The following GNB1L variants were observed in gnomAD, a reference collection of about 807,000 sequenced individuals.
GNB1L encodes guanine nucleotide-binding protein subunit beta-like protein 1.
GNB1L carries 20 observed loss-of-function variants against 29.1 expected under a neutral mutation model. That is an observed-to-expected ratio of 0.69 (90% CI 0.48 to 1.00). GNB1L has a LOEUF of 1.00. Among genes scored for constraint, GNB1L ranks in the 50% least tolerant of loss-of-function variants. The pLI is 0.00. For synonymous variants in GNB1L, 193 were observed against 206.5 expected, an observed-to-expected ratio of 0.93 and a Z score of 0.56; for missense variants, 421 against 464.9, an observed-to-expected ratio of 0.91 and a Z score of 0.87.
At chr22:19,811,698 C>G (rs997772858) in intron 5 of GNB1L, among the ~76,000 whole-genome samples, 1 of 152,116 alleles carries the variant, frequency 6.6e-6, no homozygotes, top group Non-Finnish European at 1.5e-5. Context: ...ATCCCCCCAC[C>G]CCCTGGGTGT....
chr22:19,833,065 T>C lies in GNB1L; in HGVS notation c.-20-11690A>G, dbSNP rs894342121. 1.1e-4 allele frequency among the ~76,000 whole-genome samples: 17 copies of C among 152,222 alleles called. 1 individual carries two copies. The highest frequency in any genetic ancestry group is 2.2e-4 in the Non-Finnish European group (15 of 68,040). ...TGCCTGCTAGCGCCAAACTCAGCTC[T>C]CTCTGGAGGACCTCACACACTATTC... On this transcript the variant is annotated intron_variant, in intron 2 of 7. Transcript: ENST00000329517.
chr22:19,810,208 TGGGGA>T (rs1937483103), intron 5 of GNB1L, among the ~76,000 whole-genome samples: 2 of 151,060 alleles, frequency 1.3e-5, no homozygotes, highest in African/African-American at 4.9e-5. Flanking sequence ...CTCTGTGGGG[TGGGGA>T]GGGCTGCGGA....
At chr22:19,823,295 G>A (rs1039487089) in intron 2 of GNB1L, among the ~76,000 whole-genome samples, 10 of 152,198 alleles carry the variant, frequency 6.6e-5, no homozygotes, top group African/African-American at 1.9e-4. Context: ...TCCAGGGGAG[G>A]CAGAGGGACC....
At chr22:19,789,072 G>A (rs1360371467) in intron 7 of GNB1L, 112 bp from the exon 8 acceptor site, 15 of 1,169,230 alleles carry the variant, frequency 1.3e-5, no homozygotes, top group Non-Finnish European at 1.6e-5. Flanking sequence ...ACAGGCCCGG[G>A]ATGTGAGGGC....
At chr22:19,793,798 G>C (rs1465955698) in intron 7 of GNB1L, among the ~76,000 whole-genome samples, 9 of 152,124 alleles carry the variant, frequency 5.9e-5, no homozygotes, top group Non-Finnish European at 1.2e-4. Context: ...CCATAGCCAG[G>C]ATTCTGTAAA....
Position 19,812,331 on chromosome 22 carries a change from C to T in GNB1L, c.371G>A (p.Gly124Asp). ...GFCRSSILAG[G>D]QPRWTLAVPG... The stretch of plus-strand genomic sequence containing the variant: ...CACGGCAAGCGTCCAGCGTGGCTGG[C>T]CCCCGGCCAGGATGCTGCTCCGGCA... Residue 124 changes from glycine (G) to aspartate (D), a missense_variant, in exon 5 of 8, where the codon GGC becomes GAC. Coordinates refer to ENST00000329517, the MANE Select transcript of GNB1L (RefSeq NM_053004.3). The T allele has an allele frequency of 6.2e-7, 1 of 1,612,962 alleles. No individual in the cohort carries two copies. Among genetic ancestry groups the T allele is most frequent in the South Asian group, 1.1e-5 (1 of 91,064 alleles).
chr22:19,796,556 T>C (rs544678350), intron 7 of GNB1L, among the ~76,000 whole-genome samples: 1 of 152,092 alleles, frequency 6.6e-6, no homozygotes, highest in Admixed American at 6.5e-5. Context: ...GGGAAAAAAA[T>C]CAAACATTCA....
chr22:19,788,590 T>C lies in GNB1L; in HGVS notation c.*119A>G, dbSNP rs376698385. 6 of 1,272,818 alleles carry C rather than the reference T, an allele frequency of 4.7e-6. No homozygotes were observed. The highest frequency in any genetic ancestry group is 1.2e-5 in the South Asian group (1 of 84,402). The allele number at this position is 1,272,818 out of a possible 1,614,324, so 78.8% of individuals were successfully genotyped here. ...CCTCATGAAGACAGCGGGGACTCCA[T>C]GGTCCTTGGGCCATGACTTGCTGGT... On this transcript the variant is annotated 3_prime_UTR_variant, in exon 8 of 8. Transcript: ENST00000329517.
intron 2 of GNB1L, among the ~76,000 whole-genome samples, chr22:19,822,922 T>C (rs1321678915): frequency 6.6e-6 from 1 of 152,188 alleles, no homozygotes; most frequent in Non-Finnish European, 1.5e-5. Flanking sequence ...TATTCAGAGC[T>C]GGGGCAAAGG....
intron 2 of GNB1L, among the ~76,000 whole-genome samples, chr22:19,831,607 C>A (rs1363435340): frequency 6.6e-6 from 1 of 151,166 alleles, no homozygotes; most frequent in South Asian, 2.1e-4. Context: ...AGGAGAATGG[C>A]GTGAACCCGG....
At chr22:19,791,199 C>T (rs1370998079) in intron 7 of GNB1L, among the ~76,000 whole-genome samples, 2 of 152,252 alleles carry the variant, frequency 1.3e-5, no homozygotes, top group Non-Finnish European at 2.9e-5. Context: ...CACCATTGTA[C>T]TCCAGCCTGG....
intron 2 of GNB1L, chr22:19,847,436 C>G (rs1937986653): frequency 5.1e-6 from 5 of 985,270 alleles, no homozygotes; most frequent in Non-Finnish European, 6.0e-6. Context: ...TGTTAGAGGG[C>G]CCAGACCCCA....
chr22:19,824,048 A>G (rs976877372), intron 2 of GNB1L, among the ~76,000 whole-genome samples: 6 of 152,244 alleles, frequency 3.9e-5, no homozygotes, highest in African/African-American at 1.4e-4. Flanking sequence ...AGGTGATGAA[A>G]TCAAGTTCTC....
intron 2 of GNB1L, among the ~76,000 whole-genome samples, chr22:19,830,097 G>T (rs991538744): frequency 3.3e-5 from 5 of 152,148 alleles, no homozygotes; most frequent in African/African-American, 1.2e-4. Flanking sequence ...CTACTTGGGA[G>T]GCTGAGGCAG....
intron 7 of GNB1L, among the ~76,000 whole-genome samples, chr22:19,798,962 A>AT (rs1453679361): frequency 6.6e-6 from 1 of 151,996 alleles, no homozygotes; most frequent in African/African-American, 2.4e-5. Flanking sequence ...TCTCCTCCTG[A>AT]TGCGATGCAC....
Position 19,788,975 on chromosome 22 carries a change from A to G in GNB1L, c.733-15T>C. ...GTCCCACGCACCTGTGAGAGTTGGGAGAGGTGTTAGGCCACTCCTTAAGCC... is the reference window on the plus strand; with the variant it reads ...GTCCCACGCACCTGTGAGAGTTGGGGGAGGTGTTAGGCCACTCCTTAAGCC... On this transcript the variant is annotated splice_polypyrimidine_tract_variant and intron_variant, in intron 7 of 7. Coordinates refer to ENST00000329517, the MANE Select transcript of GNB1L (RefSeq NM_053004.3). The G allele has an allele frequency of 6.3e-7, 1 of 1,588,476 alleles. No individual in the cohort carries two copies. The highest frequency in any genetic ancestry group is 8.6e-7 in the Non-Finnish European group (1 of 1,164,220).
At chr22:19,826,059 T>A (rs906655451) in intron 2 of GNB1L, among the ~76,000 whole-genome samples, 3 of 152,234 alleles carry the variant, frequency 2.0e-5, no homozygotes, top group African/African-American at 7.2e-5. Flanking sequence ...AAGTGCAGCC[T>A]CGGGAGACCT....
chr22:19,849,384 T>G (rs1040118281), intron 2 of GNB1L: 869 of 820,484 alleles, frequency 1.1e-3, no homozygotes, highest in Middle Eastern at 3.8e-3. Context: ...TTTTTTTTTT[T>G]TGGGATGGAG....
chr22:19,787,821 C>G lies in GNB1L; in HGVS notation c.*888G>C, dbSNP rs116159582. 5.9e-5 allele frequency: 9 copies of G among 152,662 alleles called. No individual in the cohort carries two copies. The highest frequency in any genetic ancestry group is 2.2e-4 in the African/African-American group (9 of 41,610). The allele number at this position is 152,662 out of a possible 1,614,324, so 9.5% of individuals were successfully genotyped here. A position where few individuals can be genotyped will look rare whatever the true frequency, so the allele number is the denominator to read the frequency against. On this transcript the variant is annotated 3_prime_UTR_variant, in exon 8 of 8. Transcript: ENST00000329517. ...TTTTAGGAGGAGACGACCGGCCAGG[C>G]TGGGCCCGGCTGCATGCAGTGTGAG... is the stretch of plus-strand genomic sequence containing the variant.
Sources: allele counts gnomAD v4.1 joint callset (sites outside exome capture counted in the v4.1 genomes callset), GRCh38; gene constraint gnomAD v4.1.1; transcripts MANE v1.5; gene names NCBI Gene and HGNC (gene_info 2026-07-23, HGNC 2026-07-21).